DLGAP1: variants seen among roughly 807,000 people sequenced by gnomAD.
DLGAP1 encodes disks large-associated protein 1.
Under a neutral mutation model 90.8 loss-of-function variants are expected in DLGAP1, and 11 were observed. That is an observed-to-expected ratio of 0.12 (90% confidence interval 0.08 to 0.20). The LOEUF is 0.20. Ranked by LOEUF, DLGAP1 falls within the 10% of genes least tolerant of loss-of-function variation. DLGAP1 has a pLI of 1.00. For missense variants in DLGAP1, 1,050 were observed against 1,333.8 expected, an observed-to-expected ratio of 0.79 and a Z score of 3.31; for synonymous variants, 558 against 540.7, an observed-to-expected ratio of 1.03 and a Z score of -0.44.
At chr18:3,568,579 G>C (rs1334019056) in intron 8 of DLGAP1, among the ~76,000 whole-genome samples, 4 of 151,980 alleles carry the variant, frequency 2.6e-5, no homozygotes, top group African/African-American at 9.7e-5. Context: ...TTAAAATACA[G>C]AAATATATAA....
chr18:4,450,586 C>T (rs991004207), intron 1 of DLGAP1, among the ~76,000 whole-genome samples: 2 of 152,188 alleles, frequency 1.3e-5, no homozygotes, highest in African/African-American at 4.8e-5. Context: ...AATGTCTCCT[C>T]ATCCAAATGC....
Position 3,653,244 on chromosome 18 carries a change from G to A in DLGAP1, c.1592-70996C>T, listed in dbSNP as rs1388912482. 6.6e-6 allele frequency among the ~76,000 whole-genome samples: 1 copy of A among 152,056 alleles called. No homozygotes were observed. Among genetic ancestry groups the A allele is most frequent in the Non-Finnish European group, 1.5e-5 (1 of 68,022 alleles). ...GTTTTTCCTTCCCTGCCATTGGTGC[G>A]ACTGTTTCCCCCTTCCGTCAAATTG... On this transcript the variant is annotated intron_variant, in intron 7 of 12. Transcript: ENST00000315677. The surrounding 1 kb of genome is among the most constrained non-coding windows in gnomAD (Gnocchi z 4.6).
chr18:4,022,552 T>C (rs1330478516), intron 2 of DLGAP1, among the ~76,000 whole-genome samples: 1 of 152,168 alleles, frequency 6.6e-6, no homozygotes, highest in African/African-American at 2.4e-5. Flanking sequence ...CTACTCACGA[T>C]GCTACATATA....
intron 2 of DLGAP1, among the ~76,000 whole-genome samples, chr18:4,041,309 T>G (rs2074970933): frequency 6.6e-6 from 1 of 152,220 alleles, no homozygotes; most frequent in Non-Finnish European, 1.5e-5. Context: ...TGAGTGATTT[T>G]ATAGGATTGT....
intron 1 of DLGAP1, among the ~76,000 whole-genome samples, chr18:4,369,673 G>A (rs564728351): frequency 6.6e-6 from 1 of 151,986 alleles, no homozygotes; most frequent in African/African-American, 2.4e-5. Context: ...GGGGAATAAA[G>A]AGGACAGAAA....
At chr18:4,406,401 AC>A (rs999310900) in intron 1 of DLGAP1, among the ~76,000 whole-genome samples, 69 of 152,136 alleles carry the variant, frequency 4.5e-4, no homozygotes, top group African/African-American at 1.5e-3. Flanking sequence ...CTGCCTCCAG[AC>A]CCTATTCTCC....
intron 2 of DLGAP1, among the ~76,000 whole-genome samples, chr18:4,070,359 T>A (rs1251730181): frequency 6.6e-6 from 1 of 152,166 alleles, no homozygotes; most frequent in African/African-American, 2.4e-5. Context: ...CAGAAATCTT[T>A]TTTTTATGAT....
chr18:4,290,833 G>A (rs569285524), intron 1 of DLGAP1, among the ~76,000 whole-genome samples: 3 of 152,182 alleles, frequency 2.0e-5, no homozygotes, highest in East Asian at 1.9e-4. Flanking sequence ...ACCCACATGT[G>A]GTCTATCTTT....
intron 2 of DLGAP1, among the ~76,000 whole-genome samples, chr18:4,109,832 C>T (rs1568402070): frequency 1.3e-5 from 2 of 152,068 alleles, no homozygotes; most frequent in East Asian, 3.9e-4. Context: ...CTTAATTTCT[C>T]CTAAGAAGCA....
chr18:3,977,434 G>GGTTTTTTTTTTTTTGTTTTTTTTTT (rs767760816), intron 3 of DLGAP1, among the ~76,000 whole-genome samples: 1 of 95,332 alleles, frequency 1.0e-5, no homozygotes. Context: ...TTTATTCTGT[G>GGTTTTTTTTTTTTTGTTTTTTTTTT]TTTTTTTTTT....
chr18:3,619,998 G>A (rs2058039366), intron 7 of DLGAP1, among the ~76,000 whole-genome samples: 1 of 151,890 alleles, frequency 6.6e-6, no homozygotes, highest in Non-Finnish European at 1.5e-5. Flanking sequence ...TGGAGTTTAA[G>A]CAGGTGGTAG....
rs577522174 is a variant in DLGAP1, at chr18:3,696,592, G to A, written c.1591+32543C>T. 7.2e-5 allele frequency among the ~76,000 whole-genome samples: 11 copies of A among 152,222 alleles called. 1 individual carries two copies. In the South Asian group the frequency reaches 1.7e-3, roughly 23 times the overall value. ...AGCTTTTTGAAGTGACACTTGGTTC[G>A]GTTTGCCAGTATTTTATTGAGGATT... is the stretch of plus-strand genomic sequence containing the variant. On this transcript the variant is annotated intron_variant, in intron 7 of 12. Transcript: ENST00000315677.
intron 7 of DLGAP1, among the ~76,000 whole-genome samples, chr18:3,624,737 TA>T (rs1233229908): frequency 6.6e-6 from 1 of 152,198 alleles, no homozygotes; most frequent in African/African-American, 2.4e-5. Context: ...CATCCCCTTT[TA>T]AATTCAAATT....
rs564981705 is a variant in DLGAP1, at chr18:3,600,067, A to T, written c.1592-17819T>A. Among the ~76,000 whole-genome samples the T allele has an allele frequency of 2.2e-4, 33 of 152,116 alleles. No individual in the cohort carries two copies. In the South Asian group the frequency reaches 3.7e-3, roughly 17 times the overall value. ...CCGGAACAGCTGGAACCACAAGCGC[A>T]CACCACCACATCCAGCTAAGTTTTA... is the stretch of plus-strand genomic sequence containing the variant. On this transcript the variant is annotated intron_variant, in intron 7 of 12. Transcript: ENST00000315677.
chr18:4,097,207 C>G (rs1479412164), intron 2 of DLGAP1, among the ~76,000 whole-genome samples: 1 of 152,212 alleles, frequency 6.6e-6, no homozygotes, highest in Non-Finnish European at 1.5e-5. Context: ...TCGTCCCAAC[C>G]TCTCACTAGT....
At chr18:3,503,694 T>C (rs1043848352) in intron 11 of DLGAP1, among the ~76,000 whole-genome samples, 10 of 152,236 alleles carry the variant, frequency 6.6e-5, no homozygotes, top group African/African-American at 2.4e-4. Context: ...CTAATAAAAA[T>C]GATATCAGAA....
chr18:4,331,808 T>C (rs1193888538), intron 1 of DLGAP1, among the ~76,000 whole-genome samples: 1 of 151,894 alleles, frequency 6.6e-6, no homozygotes, highest in Non-Finnish European at 1.5e-5. Context: ...CTGAGTACTT[T>C]CCATTATTAG....
rs2049729422 is a variant in DLGAP1, at chr18:3,497,374, G to C, written c.*1811C>G. On this transcript the variant is annotated 3_prime_UTR_variant, in exon 13 of 13. Transcript: ENST00000315677. ...TCGTTGGTTTCAAAATAAGTGAGTAGCCCTTTTCTTGTAAACCACAGCAGT... is the reference window on the plus strand; with the variant it reads ...TCGTTGGTTTCAAAATAAGTGAGTACCCCTTTTCTTGTAAACCACAGCAGT... The C allele has an allele frequency of 6.6e-6, 1 of 152,156 alleles. No individual in the cohort carries two copies. Among genetic ancestry groups the C allele is most frequent in the Non-Finnish European group, 1.5e-5 (1 of 68,028 alleles). The allele number at this position is 152,156 out of a possible 1,614,324, so 9.4% of individuals were successfully genotyped here.
intron 7 of DLGAP1, among the ~76,000 whole-genome samples, chr18:3,631,587 T>C (rs1358805810): frequency 6.6e-6 from 1 of 151,522 alleles, no homozygotes; most frequent in Non-Finnish European, 1.5e-5. Flanking sequence ...ACTCTACAAA[T>C]AGTAAAAATA....
Sources: allele counts gnomAD v4.1 joint callset (sites outside exome capture counted in the v4.1 genomes callset), GRCh38; gene constraint gnomAD v4.1.1; non-coding constraint Gnocchi (gnomAD v3.1); transcripts MANE v1.5; gene names NCBI Gene and HGNC (gene_info 2026-07-23, HGNC 2026-07-21).